Variants in LYRM4 observed in about 807,000 individuals in gnomAD.
LYRM4 encodes LYR motif containing 4.
In LYRM4, 9 loss-of-function variants were observed where a neutral mutation model predicts 11.7. The observed-to-expected ratio is 0.77, with a 90% CI of 0.46 to 1.34. LYRM4 has a LOEUF of 1.34. Among genes scored for constraint, LYRM4 ranks in the 40% most tolerant of loss-of-function variants. The probability of loss-of-function intolerance (pLI) is 0.00; values close to 1 mark genes in which losing one functional copy is unlikely to be tolerated. For missense variants in LYRM4, 133 were observed against 112.5 expected (o/e 1.18, Z -0.82); for synonymous variants, 42 against 40.4 (o/e 1.04, Z -0.15).
At chr6:5,097,316 C>T in the LYRM4 span, among the ~76,000 whole-genome samples, 2 of 151,348 alleles carry the variant, frequency 1.3e-5, no homozygotes, top group African/African-American at 2.5e-5. Flanking sequence ...TGCAGTGGCA[C>T]GATCATGGCT....
chr6:5,145,990 T>C (rs1757699724), intron 2 of LYRM4, among the ~76,000 whole-genome samples: 1 of 152,236 alleles, frequency 6.6e-6, no homozygotes, highest in South Asian at 2.1e-4. Context: ...TACGATCAAC[T>C]CTGCAATTAA....
chr6:5,168,036 T>A (rs1462585616), intron 2 of LYRM4, among the ~76,000 whole-genome samples: 1 of 149,018 alleles, frequency 6.7e-6, no homozygotes, highest in Non-Finnish European at 1.5e-5. Context: ...AATGTGAACA[T>A]CAAAAAGAAT....
intron 2 of LYRM4, among the ~76,000 whole-genome samples, chr6:5,190,159 T>C (rs1465543700): frequency 6.6e-6 from 1 of 152,202 alleles, no homozygotes; most frequent in African/African-American, 2.4e-5. Flanking sequence ...TTATGCTAAG[T>C]ACACAGAGTA....
At chr6:5,141,010 C>G (rs1315827872) in intron 2 of LYRM4, among the ~76,000 whole-genome samples, 2 of 152,232 alleles carry the variant, frequency 1.3e-5, no homozygotes, top group East Asian at 3.8e-4. Context: ...TGTGTGTGAT[C>G]ATGACTACCA....
chr6:5,187,608 G>T lies in LYRM4; in HGVS notation c.207+29010C>A, dbSNP rs574568353. Among the ~76,000 whole-genome samples the T allele has an allele frequency of 6.2e-4, 94 of 152,038 alleles. 1 individual carries two copies. The highest frequency in any genetic ancestry group is 2.2e-3 in the African/African-American group (90 of 41,470). On this transcript the variant is annotated intron_variant, in intron 2 of 2. Coordinates refer to ENST00000330636, the MANE Select transcript of LYRM4 (RefSeq NM_020408.6). Reference sequence around the variant, plus strand: ...ATCACACCCCGGGGCCTGTCGGGGGGTTGGGGGCTGGGGGAGGGATAGCAT... The same window carrying T: ...ATCACACCCCGGGGCCTGTCGGGGGTTTGGGGGCTGGGGGAGGGATAGCAT...
intron 1 of LYRM4, among the ~76,000 whole-genome samples, chr6:5,254,919 G>T (rs957517887): frequency 6.6e-6 from 1 of 151,988 alleles, no homozygotes; most frequent in Admixed American, 6.6e-5. Flanking sequence ...CTCTACTCAC[G>T]GCAGCAATTT....
intron 2 of LYRM4, among the ~76,000 whole-genome samples, chr6:5,115,241 G>T (rs1763065591): frequency 1.3e-5 from 2 of 152,148 alleles, no homozygotes. Flanking sequence ...TGGATAAACA[G>T]ATATGAATAT....
chr6:5,117,261 A>T (rs1763161082), intron 2 of LYRM4, among the ~76,000 whole-genome samples: 1 of 152,234 alleles, frequency 6.6e-6, no homozygotes, highest in African/African-American at 2.4e-5. Flanking sequence ...GTCTCTGTCA[A>T]GATGCGTATC....
the LYRM4 span, among the ~76,000 whole-genome samples, chr6:5,053,631 CAA>C: frequency 7.9e-6 from 1 of 126,478 alleles, no homozygotes. Flanking sequence ...CTGTCTCTTG[CAA>C]AAAAAAAAAG....
intron 2 of LYRM4, among the ~76,000 whole-genome samples, chr6:5,116,133 G>A (rs563247525): frequency 1.3e-5 from 2 of 152,272 alleles, no homozygotes; most frequent in African/African-American, 4.8e-5. Flanking sequence ...TCTAAAATCC[G>A]GAGAGATGAG....
downstream of LYRM4, chr6:5,104,175 T>A (rs1288627857): frequency 6.6e-6 from 1 of 152,508 alleles, no homozygotes; most frequent in Non-Finnish European, 1.5e-5. Flanking sequence ...CCTCTTCCAA[T>A]CGAACTTACA....
At chr6:5,111,777 T>G (rs1011125517) in intron 2 of LYRM4, among the ~76,000 whole-genome samples, 2 of 152,264 alleles carry the variant, frequency 1.3e-5, no homozygotes, top group African/African-American at 4.8e-5. Flanking sequence ...ACAGGACAGC[T>G]GGGCTGCAGC....
intron 2 of LYRM4, among the ~76,000 whole-genome samples, chr6:5,128,611 G>T (rs1483084644): frequency 6.6e-6 from 1 of 152,180 alleles, no homozygotes; most frequent in Non-Finnish European, 1.5e-5. Context: ...TCACAAATAC[G>T]TGCATTTGGA....
chr6:5,223,841 G>C (rs1304164073), intron 1 of LYRM4, among the ~76,000 whole-genome samples: 2 of 152,176 alleles, frequency 1.3e-5, no homozygotes, highest in African/African-American at 2.4e-5. Flanking sequence ...CAAAGCTTCG[G>C]GTTTTTGGGT....
chr6:5,177,065 G>A (rs1759760086), intron 2 of LYRM4, among the ~76,000 whole-genome samples: 1 of 152,164 alleles, frequency 6.6e-6, no homozygotes, highest in Admixed American at 6.5e-5. Flanking sequence ...CAAAACTTGA[G>A]AATGCCAATA....
chr6:5,127,258 T>C (rs900089325), intron 2 of LYRM4, among the ~76,000 whole-genome samples: 16 of 152,320 alleles, frequency 1.1e-4, no homozygotes, highest in Admixed American at 2.0e-4. Flanking sequence ...CCTCTTTTTG[T>C]ACTTTTTGTT....
At chr6:5,186,703 GC>G in intron 2 of LYRM4, 2 of 988,582 alleles carry the variant, frequency 2.0e-6, no homozygotes, top group Non-Finnish European at 2.4e-6. Context: ...ATAATTGTCT[GC>G]CGGGCACAGT....
chr6:5,252,133 G>A (rs1394640413), intron 1 of LYRM4, among the ~76,000 whole-genome samples: 1 of 152,124 alleles, frequency 6.6e-6, no homozygotes, highest in Non-Finnish European at 1.5e-5. Flanking sequence ...TAGGGAGCCT[G>A]TTTAACCATT....
chr6:5,136,133 T>C (rs1363488471), intron 2 of LYRM4: 1 of 243,222 alleles, frequency 4.1e-6, no homozygotes, highest in Non-Finnish European at 6.6e-6. Context: ...TACCACATTT[T>C]GTTCATCCAG....
Sources: gnomAD v4.1 joint callset for allele counts (sites outside exome capture counted in the v4.1 genomes callset) on GRCh38, gnomAD v4.1.1 for gene constraint, MANE v1.5 for transcripts, NCBI Gene and HGNC (gene_info 2026-07-23, HGNC 2026-07-21) for gene names.